PABPC4L: variants seen among roughly 807,000 people sequenced by gnomAD.
PABPC4L encodes polyadenylate-binding protein 4-like.
For synonymous variants in PABPC4L, 169 were observed against 164.1 expected (o/e 1.03, Z -0.23); for missense variants, 452 against 451.4 (o/e 1.00, Z -0.01).
the PABPC4L span, among the ~76,000 whole-genome samples, chr4:133,958,788 G>A: frequency 6.6e-6 from 1 of 152,018 alleles, no homozygotes; most frequent in African/African-American, 2.4e-5. Flanking sequence ...GAACAACATG[G>A]GAGTAACTGC....
chr4:134,093,032 C>A, the PABPC4L span, among the ~76,000 whole-genome samples: 1 of 151,920 alleles, frequency 6.6e-6, no homozygotes, highest in Admixed American at 6.6e-5. Flanking sequence ...AGAAAAGTAG[C>A]TCAATAATTT....
At chr4:133,975,960 T>C in the PABPC4L span, among the ~76,000 whole-genome samples, 1 of 152,172 alleles carries the variant, frequency 6.6e-6, no homozygotes, top group Non-Finnish European at 1.5e-5. Flanking sequence ...TATTTATTTT[T>C]ATTTTATTTT....
the PABPC4L span, among the ~76,000 whole-genome samples, chr4:134,169,944 C>T: frequency 9.0e-3 from 1,374 of 152,116 alleles, 12 homozygotes; most frequent in African/African-American, 0.032. Flanking sequence ...GCATGTCACC[C>T]GTGTTTGGTA....
the PABPC4L span, among the ~76,000 whole-genome samples, chr4:134,127,999 G>A: frequency 6.6e-6 from 1 of 152,118 alleles, no homozygotes; most frequent in African/African-American, 2.4e-5. Context: ...GACACACTTA[G>A]AGAAATGCAA....
the PABPC4L span, among the ~76,000 whole-genome samples, chr4:133,991,003 T>TTTTG: frequency 5.0e-4 from 76 of 152,264 alleles, no homozygotes; most frequent in Non-Finnish European, 8.5e-4. Flanking sequence ...CTTTTCTGTT[T>TTTTG]TTTGTTTGTT....
At chr4:134,016,453 C>G in the PABPC4L span, among the ~76,000 whole-genome samples, 1 of 152,290 alleles carries the variant, frequency 6.6e-6, no homozygotes, top group African/African-American at 2.4e-5. Flanking sequence ...TAAAGGGCAT[C>G]AGATGCCATC....
At chr4:134,085,816 A>C in the PABPC4L span, among the ~76,000 whole-genome samples, 1,188 of 152,138 alleles carry the variant, frequency 7.8e-3, 16 homozygotes, top group African/African-American at 0.027. Flanking sequence ...TGATATGCAT[A>C]TGTGTTCTTT....
At chr4:134,051,054 CTA>C in the PABPC4L span, among the ~76,000 whole-genome samples, 1 of 151,864 alleles carries the variant, frequency 6.6e-6, no homozygotes, top group Non-Finnish European at 1.5e-5. Context: ...AATTAAGTCT[CTA>C]ATTATTAAAG....
the PABPC4L span, among the ~76,000 whole-genome samples, chr4:134,085,025 G>C: frequency 3.9e-5 from 6 of 152,204 alleles, no homozygotes; most frequent in South Asian, 1.2e-3. Context: ...GAACAGCAGA[G>C]GCCAGGCTCC....
At chr4:133,980,293 G>A in the PABPC4L span, among the ~76,000 whole-genome samples, 2 of 152,050 alleles carry the variant, frequency 1.3e-5, no homozygotes, top group African/African-American at 2.4e-5. Context: ...TATTCATTTC[G>A]TTTTTATTTC....
the PABPC4L span, among the ~76,000 whole-genome samples, chr4:134,039,289 T>C: frequency 6.4e-3 from 969 of 152,276 alleles, 16 homozygotes; most frequent in African/African-American, 0.022. Context: ...CTGAGAAGAA[T>C]GTATATTCTA....
chr4:133,995,030 T>C, the PABPC4L span, among the ~76,000 whole-genome samples: 2 of 152,144 alleles, frequency 1.3e-5, no homozygotes, highest in East Asian at 3.9e-4. Flanking sequence ...GTGGCCGCTC[T>C]GAGAGAGAGG....
chr4:134,072,298 G>C, the PABPC4L span, among the ~76,000 whole-genome samples: 2 of 152,112 alleles, frequency 1.3e-5, no homozygotes, highest in East Asian at 3.9e-4. Context: ...CCCCAGAGTT[G>C]ATGTGAGTCT....
the PABPC4L span, among the ~76,000 whole-genome samples, chr4:134,159,710 C>A: frequency 3.3e-5 from 5 of 152,048 alleles, no homozygotes; most frequent in African/African-American, 1.2e-4. Flanking sequence ...AGTAAGGCCA[C>A]AGAGACTGCA....
the PABPC4L span, among the ~76,000 whole-genome samples, chr4:134,138,994 A>G: frequency 2.6e-5 from 4 of 151,890 alleles, no homozygotes; most frequent in African/African-American, 9.7e-5. Flanking sequence ...ATGGCAAACT[A>G]TATGTCAAGC....
At chr4:134,150,071 C>A in the PABPC4L span, among the ~76,000 whole-genome samples, 4 of 143,252 alleles carry the variant, frequency 2.8e-5, no homozygotes, top group South Asian at 6.8e-4. Context: ...ATTTTTGGTT[C>A]TTGGTTTTAT....
At chr4:134,088,579 G>T in the PABPC4L span, among the ~76,000 whole-genome samples, 6 of 151,996 alleles carry the variant, frequency 3.9e-5, no homozygotes, top group Admixed American at 1.3e-4. Context: ...ATAAGGGTGA[G>T]CTCTAGTGGA....
At chr4:134,087,226 T>C in the PABPC4L span, among the ~76,000 whole-genome samples, 2 of 152,020 alleles carry the variant, frequency 1.3e-5, no homozygotes, top group African/African-American at 4.8e-5. Context: ...GTGGCACATA[T>C]ACACCATGGA....
the PABPC4L span, among the ~76,000 whole-genome samples, chr4:134,148,790 G>C: frequency 6.6e-6 from 1 of 152,016 alleles, no homozygotes; most frequent in South Asian, 2.1e-4. Context: ...TTTGTGTGCT[G>C]TTTTAATGAC....
Sources: allele counts gnomAD v4.1 joint callset (sites outside exome capture counted in the v4.1 genomes callset), GRCh38; gene constraint gnomAD v4.1.1; transcripts MANE v1.5; gene names NCBI Gene and HGNC (gene_info 2026-07-23, HGNC 2026-07-21).